ARHGAP10: variants seen among roughly 807,000 people sequenced by gnomAD.
The protein encoded by ARHGAP10 is Rho GTPase activating protein 10, also known as rho GTPase-activating protein 10.
In ARHGAP10, 87 loss-of-function variants were observed where a neutral mutation model predicts 108.6. The observed-to-expected ratio is 0.80, with a 90% CI of 0.67 to 0.96. The LOEUF is 0.96. Among genes scored for constraint, ARHGAP10 ranks in the 40% least tolerant of loss-of-function variants. The pLI is 0.00. For missense variants in ARHGAP10, 939 were observed against 954.5 expected (o/e 0.98, Z 0.21); for synonymous variants, 347 against 341.1 (o/e 1.02, Z -0.19).
At chr4:147,996,798 T>A (rs1441351487) in intron 18 of ARHGAP10, among the ~76,000 whole-genome samples, 1 of 152,088 alleles carries the variant, frequency 6.6e-6, no homozygotes, top group Non-Finnish European at 1.5e-5. Flanking sequence ...GAAGGTGGGG[T>A]CCTAACCCTA....
At chr4:148,015,196 A>G (rs1381345277) in intron 18 of ARHGAP10, among the ~76,000 whole-genome samples, 2 of 152,164 alleles carry the variant, frequency 1.3e-5, no homozygotes, top group East Asian at 3.9e-4. Context: ...GGAAATCACT[A>G]TGAGGAATTT....
intron 1 of ARHGAP10, among the ~76,000 whole-genome samples, chr4:147,788,687 TTA>T (rs1318154511): frequency 2.0e-5 from 3 of 152,200 alleles, no homozygotes; most frequent in Non-Finnish European, 4.4e-5. Flanking sequence ...AACAGTCTGA[TTA>T]TCTCAAATGA....
intron 21 of ARHGAP10, among the ~76,000 whole-genome samples, chr4:148,063,783 G>A (rs947114650): frequency 1.8e-4 from 28 of 152,112 alleles, no homozygotes; most frequent in African/African-American, 6.0e-4. Context: ...GAGGTGAGGC[G>A]TTTCCTTTGG....
intron 1 of ARHGAP10, among the ~76,000 whole-genome samples, chr4:147,796,978 T>C (rs1731342790): frequency 6.6e-6 from 1 of 152,194 alleles, no homozygotes; most frequent in African/African-American, 2.4e-5. Context: ...AGGATGTAGT[T>C]TTCCTCTTTC....
chr4:147,902,413 G>C (rs1736286323), intron 10 of ARHGAP10, among the ~76,000 whole-genome samples: 1 of 152,158 alleles, frequency 6.6e-6, no homozygotes. Flanking sequence ...AGAACTGCCT[G>C]AGATTGGATA....
chr4:147,855,731 C>T (rs966348550), intron 4 of ARHGAP10, among the ~76,000 whole-genome samples: 1 of 141,180 alleles, frequency 7.1e-6, no homozygotes, highest in Admixed American at 7.3e-5. Flanking sequence ...TGGTAATTAA[C>T]CTTGGAGTAG....
chr4:147,895,353 T>TG (rs1463568957), intron 10 of ARHGAP10, among the ~76,000 whole-genome samples: 7 of 152,132 alleles, frequency 4.6e-5, no homozygotes, highest in African/African-American at 1.7e-4. Flanking sequence ...TTTTTAAATG[T>TG]ACACAGTGAT....
At chr4:147,980,805 TC>T (rs1379133205) in intron 18 of ARHGAP10, among the ~76,000 whole-genome samples, 1 of 152,182 alleles carries the variant, frequency 6.6e-6, no homozygotes, top group African/African-American at 2.4e-5. Context: ...TTTGTCTACT[TC>T]CTCTAGATTT....
intron 18 of ARHGAP10, among the ~76,000 whole-genome samples, chr4:147,972,361 T>C (rs60361452): frequency 0.049 from 7,409 of 152,216 alleles, 577 homozygotes; most frequent in African/African-American, 0.17. Context: ...TGCATAAATA[T>C]ATGTAATAGT....
intron 10 of ARHGAP10, among the ~76,000 whole-genome samples, chr4:147,892,389 T>A (rs1320808737): frequency 6.6e-6 from 1 of 152,242 alleles, no homozygotes; most frequent in East Asian, 1.9e-4. Flanking sequence ...TACTAATATT[T>A]GTAAGCATTT....
At chr4:147,779,726 C>T (rs1223859569) in intron 1 of ARHGAP10, among the ~76,000 whole-genome samples, 1 of 152,154 alleles carries the variant, frequency 6.6e-6, no homozygotes, top group East Asian at 1.9e-4. Flanking sequence ...TATTTTCTTC[C>T]AAAGATGATT....
chr4:147,899,322 T>C (rs1054918301), intron 10 of ARHGAP10, among the ~76,000 whole-genome samples: 1 of 151,950 alleles, frequency 6.6e-6, no homozygotes, highest in African/African-American at 2.4e-5. Context: ...TGTGTGTGTG[T>C]GCATGCGTGT....
At chr4:147,874,035 ACAAC>A (rs944647247) in intron 7 of ARHGAP10, among the ~76,000 whole-genome samples, 2 of 151,750 alleles carry the variant, frequency 1.3e-5, no homozygotes, top group East Asian at 1.9e-4. Flanking sequence ...TTAAAAAAAA[ACAAC>A]AAACCTCTGC....
At chr4:148,016,374 G>A (rs988435321) in intron 18 of ARHGAP10, among the ~76,000 whole-genome samples, 3 of 151,922 alleles carry the variant, frequency 2.0e-5, no homozygotes, top group African/African-American at 4.8e-5. Context: ...GTGGTGGCAC[G>A]CGCCTAAAGT....
intron 10 of ARHGAP10, among the ~76,000 whole-genome samples, chr4:147,882,615 TG>T (rs1024550289): frequency 6.6e-6 from 1 of 152,102 alleles, no homozygotes; most frequent in Non-Finnish European, 1.5e-5. Flanking sequence ...CATTTGTGTG[TG>T]GGGGGGTTTT....
intron 1 of ARHGAP10, among the ~76,000 whole-genome samples, chr4:147,751,199 C>CA (rs1204302773): frequency 1.7e-4 from 26 of 151,568 alleles, no homozygotes; most frequent in Admixed American, 1.7e-3. Flanking sequence ...ACAAAAAAAA[C>CA]AAACAATGAG....
At position 147,966,682 on chromosome 4, in the gene ARHGAP10, T is replaced by A; in HGVS notation, c.1559T>A (p.Val520Asp). The change falls in exon 18 of 23, where the codon GTT becomes GAT. Residue 520 changes from valine (V) to aspartate (D), a missense_variant and splice_region_variant. Physicochemically the swap from Val to Asp is radical, Grantham distance 152. Coordinates refer to ENST00000336498, the MANE Select transcript of ARHGAP10 (RefSeq NM_024605.4). ...TCCTCCCCCCTTACCAATTTCAGTG[T>A]TTCAAATCACTCCAAGCAGAACCTG... is the stretch of plus-strand genomic sequence containing the variant. ...LDILVKHLTN[V>D]SNHSKQNLMT... is the part of the protein sequence containing the mutation. 1 of 1,561,348 alleles carries A rather than the reference T, an allele frequency of 6.4e-7. No homozygotes were observed. Among genetic ancestry groups the A allele is most frequent in the Admixed American group, 1.8e-5 (1 of 56,252 alleles).
intron 13 of ARHGAP10, among the ~76,000 whole-genome samples, chr4:147,922,023 C>T (rs1440829429): frequency 6.6e-6 from 1 of 150,630 alleles, no homozygotes; most frequent in African/African-American, 2.5e-5. Flanking sequence ...CCCTGCCCCT[C>T]CTGCACCTCC....
intron 19 of ARHGAP10, among the ~76,000 whole-genome samples, chr4:148,025,256 A>T (rs1163159615): frequency 2.6e-5 from 4 of 152,158 alleles, no homozygotes; most frequent in African/African-American, 9.7e-5. Context: ...CAGCTACTTA[A>T]CTTCTTTAGT....
Sources: gnomAD v4.1 joint callset for allele counts (sites outside exome capture counted in the v4.1 genomes callset) on GRCh38, gnomAD v4.1.1 for gene constraint, MANE v1.5 for transcripts, NCBI Gene and HGNC (gene_info 2026-07-23, HGNC 2026-07-21) for gene names.